FNBP1: variants seen among roughly 807,000 people sequenced by gnomAD.
The protein encoded by FNBP1 is formin binding protein 1.
A neutral mutation model predicts 90.6 loss-of-function variants in FNBP1; 26 were observed. That is an observed-to-expected ratio of 0.29 (90% confidence interval 0.21 to 0.40). The LOEUF (loss-of-function observed/expected upper bound fraction) is 0.40, where lower values mean the gene tolerates loss of function less well. FNBP1 is among the 10% of genes least tolerant of loss of function. The pLI is 1.00. For synonymous variants in FNBP1, 260 were observed against 265.2 expected, an observed-to-expected ratio of 0.98 and a Z score of 0.19; for missense variants, 635 against 768.0, an observed-to-expected ratio of 0.83 and a Z score of 2.05.
At chr9:130,024,684 C>T (rs2058165881) in intron 1 of FNBP1, among the ~76,000 whole-genome samples, 1 of 152,070 alleles carries the variant, frequency 6.6e-6, no homozygotes, top group Non-Finnish European at 1.5e-5. Flanking sequence ...TTTCATAATC[C>T]AAGGAAAGTG....
At chr9:129,912,732 C>T (rs1164025351) in intron 11 of FNBP1, among the ~76,000 whole-genome samples, 1 of 148,702 alleles carries the variant, frequency 6.7e-6, no homozygotes, top group African/African-American at 2.5e-5. Flanking sequence ...GGCAAGTGGT[C>T]AACATTCACC....
chr9:129,929,735 A>G (rs372931032), intron 6 of FNBP1, 40 bp from the exon 7 acceptor site: 86 of 1,607,188 alleles, frequency 5.4e-5, no homozygotes, highest in Non-Finnish European at 7.0e-5. Context: ...TTTATACACC[A>G]TAGATAAAAG....
intron 6 of FNBP1, among the ~76,000 whole-genome samples, chr9:129,931,530 C>G (rs868019246): frequency 6.6e-6 from 1 of 151,946 alleles, no homozygotes; most frequent in Middle Eastern, 3.4e-3. Flanking sequence ...GGCGTGAACC[C>G]GGGAGGCGGA....
At chr9:129,974,714 G>C (rs543213826) in intron 4 of FNBP1, among the ~76,000 whole-genome samples, 1 of 152,040 alleles carries the variant, frequency 6.6e-6, no homozygotes, top group Non-Finnish European at 1.5e-5. Flanking sequence ...TTAAAAACTG[G>C]CTGAGCATGG....
intron 12 of FNBP1, among the ~76,000 whole-genome samples, chr9:129,907,481 T>G (rs938810853): frequency 6.6e-6 from 1 of 152,098 alleles, no homozygotes; most frequent in African/African-American, 2.4e-5. Context: ...CATCCTACTT[T>G]GTGCTTTTTT....
At chr9:129,928,745 TATTG>T (rs1464948402) in intron 7 of FNBP1, among the ~76,000 whole-genome samples, 1 of 152,138 alleles carries the variant, frequency 6.6e-6, no homozygotes, top group Non-Finnish European at 1.5e-5. Context: ...TTTGCAAAGT[TATTG>T]ATTAATCTTG....
At chr9:129,987,901 C>T (rs149664033) in intron 2 of FNBP1, among the ~76,000 whole-genome samples, 5 of 151,716 alleles carry the variant, frequency 3.3e-5, no homozygotes, top group Non-Finnish European at 7.4e-5. Context: ...ATGATATATA[C>T]GATATGCAAT....
Position 129,924,944 on chromosome 9 carries a change from C to T in FNBP1, c.987+16G>A, listed in dbSNP as rs370402228. ...TCCACACCTTAGAAAACTCATTTCACGCCAACCATCAGTACCTTATTTTTT... is the reference window on the plus strand; with the variant it reads ...TCCACACCTTAGAAAACTCATTTCATGCCAACCATCAGTACCTTATTTTTT... On this transcript the variant is annotated intron_variant, in intron 9 of 16. Coordinates refer to ENST00000446176, the MANE Select transcript of FNBP1 (RefSeq NM_015033.3). The T allele has an allele frequency of 3.8e-5, 61 of 1,596,094 alleles. No homozygotes were observed. The highest frequency in any genetic ancestry group is 4.2e-5 in the Non-Finnish European group (49 of 1,170,078).
Position 129,927,207 on chromosome 9 carries a change from A to C in FNBP1, c.777T>G (p.Ile259Met). The change falls in exon 8 of 17, where the codon ATT becomes ATG. Residue 259 changes from isoleucine to methionine, a missense_variant. Transcript: ENST00000446176. ...TGGCAATACTTACATTTTTCTGATCAATTGATTCGGCTGCTTTTACTATTC... is the reference window on the plus strand; with the variant it reads ...TGGCAATACTTACATTTTTCTGATCCATTGATTCGGCTGCTTTTACTATTC... ...LDGIVKAAES[I>M]DQKNDSQLVI... 1 of 1,613,752 alleles carries C rather than the reference A, an allele frequency of 6.2e-7. No homozygotes were observed. Among genetic ancestry groups the C allele is most frequent in the Non-Finnish European group, 8.5e-7 (1 of 1,179,800 alleles).
At chr9:129,961,319 C>G (rs55897107) in intron 4 of FNBP1, among the ~76,000 whole-genome samples, 1 of 151,870 alleles carries the variant, frequency 6.6e-6, no homozygotes, top group Non-Finnish European at 1.5e-5. Flanking sequence ...CTCAAAAAAA[C>G]CCCCGAAAAA....
chr9:130,019,160 G>A (rs1415862732), intron 1 of FNBP1, among the ~76,000 whole-genome samples: 1 of 152,056 alleles, frequency 6.6e-6, no homozygotes, highest in African/African-American at 2.4e-5. Context: ...CTGGGAGGCA[G>A]AGGTTGCAGT....
At chr9:129,931,902 GAGAA>G (rs1477937903) in intron 6 of FNBP1, among the ~76,000 whole-genome samples, 1 of 151,522 alleles carries the variant, frequency 6.6e-6, no homozygotes, top group Non-Finnish European at 1.5e-5. Flanking sequence ...GAAGAAAAGA[GAGAA>G]AGAAAGGGAA....
chr9:129,903,350 C>T (rs137927959), intron 12 of FNBP1, among the ~76,000 whole-genome samples: 63 of 152,212 alleles, frequency 4.1e-4, no homozygotes, highest in African/African-American at 1.5e-3. Flanking sequence ...CCGCACCACC[C>T]GGCAAAGGTT....
intron 6 of FNBP1, among the ~76,000 whole-genome samples, chr9:129,931,629 T>A: frequency 6.7e-6 from 1 of 148,694 alleles, no homozygotes; most frequent in South Asian, 2.1e-4. Flanking sequence ...AATAAAATAA[T>A]AAATAAATAA....
At chr9:130,039,170 T>C (rs565759075) in intron 1 of FNBP1, among the ~76,000 whole-genome samples, 2 of 152,270 alleles carry the variant, frequency 1.3e-5, no homozygotes, top group Admixed American at 6.5e-5. Context: ...TTGACTCTGA[T>C]GTTACAAGCT....
At chr9:130,019,809 G>A (rs930907018) in intron 1 of FNBP1, among the ~76,000 whole-genome samples, 2 of 151,958 alleles carry the variant, frequency 1.3e-5, no homozygotes, top group African/African-American at 4.8e-5. Context: ...CCAGGTTGGA[G>A]TGCCTCCCAA....
At chr9:129,948,820 C>T (rs757093569) in intron 6 of FNBP1, among the ~76,000 whole-genome samples, 2 of 151,944 alleles carry the variant, frequency 1.3e-5, no homozygotes, top group African/African-American at 2.4e-5. Context: ...GGATTACAGG[C>T]GTGAGTCACT....
chr9:129,907,463 A>T (rs1171118802), intron 12 of FNBP1, among the ~76,000 whole-genome samples: 1 of 152,068 alleles, frequency 6.6e-6, no homozygotes, highest in Non-Finnish European at 1.5e-5. Flanking sequence ...TTGGTATTTA[A>T]CATCTATCAT....
chr9:130,026,291 C>T (rs1477352568), intron 1 of FNBP1, among the ~76,000 whole-genome samples: 3 of 151,980 alleles, frequency 2.0e-5, no homozygotes, highest in Non-Finnish European at 4.4e-5. Flanking sequence ...GTCAGGAGTA[C>T]GAGACCAGCC....
Sources: gnomAD v4.1 joint callset for allele counts (sites outside exome capture counted in the v4.1 genomes callset) on GRCh38, gnomAD v4.1.1 for gene constraint, MANE v1.5 for transcripts, NCBI Gene and HGNC (gene_info 2026-07-23, HGNC 2026-07-21) for gene names.